ALCAM: variants seen among roughly 807,000 people sequenced by gnomAD.
ALCAM encodes the protein CD166 antigen.
A neutral mutation model predicts 70.9 loss-of-function variants in ALCAM; 30 were observed. That is an observed-to-expected ratio of 0.42 (90% confidence interval 0.32 to 0.57). ALCAM has a LOEUF of 0.57. Among genes scored for constraint, ALCAM ranks in the 20% least tolerant of loss-of-function variants. The pLI is 0.11. For missense variants in ALCAM, 591 were observed against 695.1 expected, an observed-to-expected ratio of 0.85 and a Z score of 1.68; for synonymous variants, 249 against 242.5, an observed-to-expected ratio of 1.03 and a Z score of -0.25.
intron 14 of ALCAM, among the ~76,000 whole-genome samples, chr3:105,568,014 G>C (rs1175313713): frequency 6.6e-6 from 1 of 151,000 alleles, no homozygotes; most frequent in Non-Finnish European, 1.5e-5. Flanking sequence ...GTCTTAGGAT[G>C]AATGTCTAGT....
chr3:105,560,254 A>C (rs1294559061), intron 14 of ALCAM, among the ~76,000 whole-genome samples: 4 of 152,118 alleles, frequency 2.6e-5, no homozygotes, highest in Non-Finnish European at 4.4e-5. Context: ...TGAATTAATA[A>C]CTAGTTTTGG....
chr3:105,488,498 T>C (rs1365210026), intron 1 of ALCAM, among the ~76,000 whole-genome samples: 6 of 151,976 alleles, frequency 3.9e-5, no homozygotes, highest in Admixed American at 3.9e-4. Flanking sequence ...TACTACAAAT[T>C]TGGATAAAGA....
rs1940162577 is a variant in ALCAM at position 105,543,090 on chromosome 3, T to C, written c.991+1325T>C. On this transcript the variant is annotated intron_variant, in intron 8 of 15. Transcript: ENST00000306107. ...GTCTTTGGGCCAATAATCAATAATCTAGTGCCTTAGAGATGGTGTGATGTG... is the reference window on the plus strand; with the variant it reads ...GTCTTTGGGCCAATAATCAATAATCCAGTGCCTTAGAGATGGTGTGATGTG... Among the ~76,000 whole-genome samples, 3 of 151,830 alleles carry C rather than the reference T, an allele frequency of 2.0e-5. No individual in the cohort carries two copies. The East Asian group carries it at 5.8e-4, about 29-fold the overall frequency.
chr3:105,562,387 A>G (rs1345134178), intron 14 of ALCAM, among the ~76,000 whole-genome samples: 1 of 152,190 alleles, frequency 6.6e-6, no homozygotes, highest in Non-Finnish European at 1.5e-5. Flanking sequence ...GTTCTTCTAT[A>G]TCTATTAAAA....
chr3:105,535,308 G>A (rs1384492388), intron 6 of ALCAM, among the ~76,000 whole-genome samples: 1 of 152,108 alleles, frequency 6.6e-6, no homozygotes, highest in East Asian at 1.9e-4. Flanking sequence ...TGTCTACAAA[G>A]GAATCTTCAT....
At chr3:105,557,448 T>G (rs554607510) in intron 14 of ALCAM, among the ~76,000 whole-genome samples, 19 of 152,270 alleles carry the variant, frequency 1.2e-4, no homozygotes, top group African/African-American at 4.3e-4. Flanking sequence ...ACCTGAAAGT[T>G]TCCACAAGGA....
rs148396044 is a variant in ALCAM, at chr3:105,492,652, A to G, written c.74-27415A>G. 3.3e-3 allele frequency among the ~76,000 whole-genome samples: 510 copies of G among 152,336 alleles called. 6 individuals carry two copies. The highest frequency in any genetic ancestry group is 5.5e-3 in the Admixed American group (84 of 15,300). On this transcript the variant is annotated intron_variant, in intron 1 of 15. Transcript: ENST00000306107. ...TTTGGTGGGTAGCTCATTTGAACTA[A>G]TATGGAAACTCCTCGAAGACAAAAA...
At chr3:105,534,358 A>G (rs9842772) in intron 5 of ALCAM, among the ~76,000 whole-genome samples, 14,539 of 152,232 alleles carry the variant, frequency 0.096, 913 homozygotes, top group Non-Finnish European at 0.14. Flanking sequence ...AAATTAATAC[A>G]TGATTTTTTA....
At chr3:105,482,189 T>C (rs1373757731) in intron 1 of ALCAM, among the ~76,000 whole-genome samples, 1 of 152,224 alleles carries the variant, frequency 6.6e-6, no homozygotes, top group Non-Finnish European at 1.5e-5. Flanking sequence ...CTTTGGTCAC[T>C]GCAACCTCTG....
intron 6 of ALCAM, among the ~76,000 whole-genome samples, chr3:105,536,907 G>A (rs1939983893): frequency 6.6e-6 from 1 of 152,072 alleles, no homozygotes; most frequent in Non-Finnish European, 1.5e-5. Flanking sequence ...ACTGCACCCT[G>A]GCCTTGAGTT....
At chr3:105,485,563 C>T (rs1456217902) in intron 1 of ALCAM, among the ~76,000 whole-genome samples, 2 of 151,936 alleles carry the variant, frequency 1.3e-5, no homozygotes, top group African/African-American at 4.8e-5. Context: ...AACGTTTGAT[C>T]AACTATCATT....
intron 14 of ALCAM, among the ~76,000 whole-genome samples, chr3:105,568,053 A>ATTTATT (rs1559659901): frequency 9.8e-6 from 1 of 101,890 alleles, no homozygotes; most frequent in African/African-American, 3.7e-5. Context: ...TTATTATTTT[A>ATTTATT]TTTTATTTTA....
At chr3:105,462,345 A>G (rs1937615377) in intron 1 of ALCAM, among the ~76,000 whole-genome samples, 1 of 151,566 alleles carries the variant, frequency 6.6e-6, no homozygotes, top group African/African-American at 2.4e-5. Context: ...AAGAACAAAT[A>G]TTTTGAGGAG....
In ALCAM at chr3:105,575,843, T is replaced by A. The variant is rs1940952415; in HGVS notation, c.*1392T>A. The A allele has an allele frequency of 6.6e-6, 1 of 152,120 alleles. No homozygotes were observed. The highest frequency in any genetic ancestry group is 1.5e-5 in the Non-Finnish European group (1 of 68,014). 9.4% of individuals were successfully genotyped at this position (152,120 alleles called of 1,614,324 possible). Reference sequence around the variant, plus strand: ...CATCAGATTTCTAGGTATAGAACTATGTTATTGAAAGGAAAAGGAAAACTG... The same window carrying A: ...CATCAGATTTCTAGGTATAGAACTAAGTTATTGAAAGGAAAAGGAAAACTG... On this transcript the variant is annotated 3_prime_UTR_variant, in exon 16 of 16. Coordinates refer to ENST00000306107, the MANE Select transcript of ALCAM (RefSeq NM_001627.4).
chr3:105,411,062 TTTCAATTA>T (rs536713056), intron 1 of ALCAM, among the ~76,000 whole-genome samples: 575 of 152,224 alleles, frequency 3.8e-3, no homozygotes, highest in Non-Finnish European at 6.8e-3. Context: ...TTAGATGAGC[TTTCAATTA>T]TTAATGGTAA....
chr3:105,498,106 AC>A (rs1938810002), intron 1 of ALCAM, among the ~76,000 whole-genome samples: 1 of 151,878 alleles, frequency 6.6e-6, no homozygotes, highest in Admixed American at 6.6e-5. Context: ...CTGATATCGT[AC>A]ATTCATTATC....
At chr3:105,368,561 C>G (rs1935142291) in intron 1 of ALCAM, among the ~76,000 whole-genome samples, 1 of 151,442 alleles carries the variant, frequency 6.6e-6, no homozygotes, top group Admixed American at 6.6e-5. Flanking sequence ...TTAGCTTTTT[C>G]TTTAGCTTTT....
intron 9 of ALCAM, among the ~76,000 whole-genome samples, chr3:105,546,278 G>A (rs974954788): frequency 6.6e-6 from 1 of 151,324 alleles, no homozygotes; most frequent in Non-Finnish European, 1.5e-5. Context: ...AAGAAACTGT[G>A]GAGAAATATT....
At chr3:105,385,811 C>T (rs1251620140) in intron 1 of ALCAM, among the ~76,000 whole-genome samples, 1 of 151,618 alleles carries the variant, frequency 6.6e-6, no homozygotes, top group Non-Finnish European at 1.5e-5. Flanking sequence ...GAAACTAAAG[C>T]TCAGTTAAAT....
Sources: allele counts gnomAD v4.1 joint callset (sites outside exome capture counted in the v4.1 genomes callset), GRCh38; gene constraint gnomAD v4.1.1; transcripts MANE v1.5; gene names NCBI Gene and HGNC (gene_info 2026-07-23, HGNC 2026-07-21).